Variants in DYRK1A observed in about 807,000 individuals in gnomAD.
The protein encoded by DYRK1A is dual specificity tyrosine phosphorylation regulated kinase 1A.
In DYRK1A, 9 loss-of-function variants were observed where a neutral mutation model predicts 79.7. The ratio of observed to expected loss-of-function variants is 0.11; its 90% CI spans 0.07 to 0.20. DYRK1A has a LOEUF of 0.20. Among genes scored for constraint, DYRK1A ranks in the 10% least tolerant of loss-of-function variants. The pLI is 1.00. For synonymous variants in DYRK1A, 349 were observed against 329.7 expected (o/e 1.06, Z -0.63); for missense variants, 622 against 956.0 (o/e 0.65, Z 4.61).
Position 37,524,503 on chromosome 21 carries a change from A to T in DYRK1A, c.*11972A>T, listed in dbSNP as rs1385018634. ...AAGTCACTTATGGTGAATTAATTAA[A>T]TCATGCTTGATTACTGCAGCTGAAG... On this transcript the variant is annotated 3_prime_UTR_variant, in exon 12 of 12. Coordinates refer to ENST00000647188, the MANE Select transcript of DYRK1A (RefSeq NM_001347721.2). 1 of 152,262 alleles carries T rather than the reference A, an allele frequency of 6.6e-6. No homozygotes were observed. The highest frequency in any genetic ancestry group is 1.5e-5 in the Non-Finnish European group (1 of 68,046). 9.4% of individuals were successfully genotyped at this position (152,262 alleles called of 1,614,324 possible). A position where few individuals can be genotyped will look rare whatever the true frequency, so the allele number is the denominator to read the frequency against.
intron 2 of DYRK1A, among the ~76,000 whole-genome samples, chr21:37,424,047 A>G (rs977562220): frequency 1.3e-5 from 2 of 152,160 alleles, no homozygotes; most frequent in African/African-American, 4.8e-5. Context: ...TGTAAATTAC[A>G]AAACCCCAAC....
Position 37,433,044 on chromosome 21 carries a change from A to AAAATATATAT in DYRK1A, c.10+12661_10+12662insAATATATATA, listed in dbSNP as rs372461775. Among the ~76,000 whole-genome samples the AAAATATATAT allele has an allele frequency of 7.1e-3, 1,000 of 140,490 alleles. 8 individuals are homozygous for AAAATATATAT. Among genetic ancestry groups the AAAATATATAT allele is most frequent in the African/African-American group, 0.025 (941 of 36,990 alleles). The allele number at this position is 140,490 out of a possible 152,430, so 92.2% of individuals were successfully genotyped here. On this transcript the variant is annotated intron_variant, in intron 2 of 11. Coordinates refer to ENST00000647188, the MANE Select transcript of DYRK1A (RefSeq NM_001347721.2). ...CTTACTTTCTTTACTAGGAATTCTA[A>AAAATATATAT]ATATATATATATATATATATATGTA...
intron 1 of DYRK1A, among the ~76,000 whole-genome samples, chr21:37,381,373 G>A (rs900800453): frequency 8.5e-5 from 13 of 152,176 alleles, no homozygotes; most frequent in African/African-American, 3.1e-4. Context: ...CACATGAAAT[G>A]CCTACTATGT....
At position 37,494,905 on chromosome 21, in the gene DYRK1A, G is replaced by A. The variant is rs529994583; in HGVS notation, c.1072-1213G>A. 8.7e-5 allele frequency among the ~76,000 whole-genome samples: 13 copies of A among 150,160 alleles called. No homozygotes were observed. In the South Asian group the frequency reaches 1.3e-3, roughly 15 times the overall value. The stretch of plus-strand genomic sequence containing the variant: ...AGAGCTTGCAGTGAGCCGAGATCAC[G>A]CCACTGCCCTCTAGCTTGGGAGACA... On this transcript the variant is annotated intron_variant, in intron 8 of 11. Transcript: ENST00000647188.
chr21:37,377,965 A>G (rs1037921298), intron 1 of DYRK1A, among the ~76,000 whole-genome samples: 9 of 152,198 alleles, frequency 5.9e-5, no homozygotes, highest in Non-Finnish European at 1.2e-4. Context: ...GTATATGGAT[A>G]TTTGAATATA....
At chr21:37,451,626 G>A (rs981252606) in intron 2 of DYRK1A, among the ~76,000 whole-genome samples, 4 of 151,126 alleles carry the variant, frequency 2.6e-5, no homozygotes, top group South Asian at 2.1e-4. Flanking sequence ...AGGCTCCACC[G>A]TCTAGCGTGG....
At chr21:37,411,070 AAAAAAG>A (rs1361814664) in intron 1 of DYRK1A, among the ~76,000 whole-genome samples, 1 of 147,520 alleles carries the variant, frequency 6.8e-6, no homozygotes, top group Non-Finnish European at 1.5e-5. Flanking sequence ...AAAAAAAAAA[AAAAAAG>A]CCCAGGCGTG....
chr21:37,396,995 C>T (rs182420714), intron 1 of DYRK1A, among the ~76,000 whole-genome samples: 1 of 152,282 alleles, frequency 6.6e-6, no homozygotes, highest in East Asian at 1.9e-4. Flanking sequence ...TCTGCTCTGC[C>T]CTAGGGTATA....
At chr21:37,463,752 G>A (rs1472789431) in intron 2 of DYRK1A, among the ~76,000 whole-genome samples, 2 of 152,090 alleles carry the variant, frequency 1.3e-5, no homozygotes, top group African/African-American at 2.4e-5. Context: ...CTTTATTTCC[G>A]GCCATCATTA....
At chr21:37,389,994 A>G (rs1219781339) in intron 1 of DYRK1A, among the ~76,000 whole-genome samples, 1 of 150,812 alleles carries the variant, frequency 6.6e-6, no homozygotes, top group Admixed American at 6.6e-5. Flanking sequence ...CACAATCACA[A>G]CTCACTGCAG....
intron 2 of DYRK1A, among the ~76,000 whole-genome samples, chr21:37,447,168 A>G (rs1305321928): frequency 6.6e-6 from 1 of 152,136 alleles, no homozygotes; most frequent in Admixed American, 6.5e-5. Context: ...AGGTGAGTTG[A>G]GTGAGACAGT....
chr21:37,422,676 G>A (rs2148431982), intron 2 of DYRK1A, among the ~76,000 whole-genome samples: 1 of 152,272 alleles, frequency 6.6e-6, no homozygotes, highest in African/African-American at 2.4e-5. Flanking sequence ...GTAACTTTGT[G>A]AGGTGATGAA....
intron 1 of DYRK1A, among the ~76,000 whole-genome samples, chr21:37,398,072 A>AT (rs2049987605): frequency 2.9e-5 from 3 of 104,260 alleles, no homozygotes; most frequent in African/African-American, 8.0e-5. Context: ...TCTCTTAAAA[A>AT]AAAAATATAT....
chr21:37,395,083 A>C (rs2049936792), intron 1 of DYRK1A, among the ~76,000 whole-genome samples: 1 of 152,132 alleles, frequency 6.6e-6, no homozygotes, highest in Admixed American at 6.5e-5. Context: ...CATCCATTTA[A>C]ATAGTTCTCT....
chr21:37,495,172 G>A (rs1458209856), intron 8 of DYRK1A, among the ~76,000 whole-genome samples: 1 of 147,060 alleles, frequency 6.8e-6, no homozygotes, highest in African/African-American at 2.5e-5. Context: ...GTGTGTGTGT[G>A]TGTGTGTGTG....
chr21:37,396,766 C>T (rs909173328), intron 1 of DYRK1A, among the ~76,000 whole-genome samples: 17 of 152,226 alleles, frequency 1.1e-4, no homozygotes, highest in Non-Finnish European at 5.9e-5. Context: ...ATGGTGAACA[C>T]ATTAGAATGT....
intron 2 of DYRK1A, among the ~76,000 whole-genome samples, chr21:37,433,042 T>TAAAAAA (rs5843828): frequency 1.1e-4 from 16 of 139,208 alleles, no homozygotes; most frequent in African/African-American, 3.9e-4. Flanking sequence ...CTAGGAATTC[T>TAAAAAA]AAATATATAT....
intron 2 of DYRK1A, among the ~76,000 whole-genome samples, chr21:37,426,913 CGGT>C (rs1569311902): frequency 4.6e-4 from 52 of 112,572 alleles, no homozygotes; most frequent in African/African-American, 1.8e-3. Context: ...GAGCGAGACT[CGGT>C]TCTAAAAAAA....
intron 7 of DYRK1A, among the ~76,000 whole-genome samples, chr21:37,491,096 C>G (rs1430044026): frequency 1.3e-5 from 2 of 152,040 alleles, no homozygotes; most frequent in African/African-American, 4.8e-5. Flanking sequence ...ATAAGTTTGT[C>G]TTATTTTCCC....
Sources: allele counts gnomAD v4.1 joint callset (sites outside exome capture counted in the v4.1 genomes callset), GRCh38; gene constraint gnomAD v4.1.1; transcripts MANE v1.5; gene names NCBI Gene and HGNC (gene_info 2026-07-23, HGNC 2026-07-21).